The following SLC24A3 variants were observed in gnomAD, a reference collection of about 807,000 sequenced individuals.
SLC24A3 encodes sodium/potassium/calcium exchanger 3.
A neutral mutation model predicts 75.8 loss-of-function variants in SLC24A3; 28 were observed. The observed-to-expected ratio is 0.37, with a 90% CI of 0.27 to 0.51. The LOEUF is 0.51. Ranked by LOEUF, SLC24A3 falls within the 20% of genes least tolerant of loss-of-function variation. SLC24A3 has a pLI of 0.94. For missense variants in SLC24A3, 663 were observed against 847.8 expected (o/e 0.78, Z 2.71); for synonymous variants, 372 against 334.1 (o/e 1.11, Z -1.24).
At chr20:19,652,212 A>C (rs2032214206) in intron 6 of SLC24A3, among the ~76,000 whole-genome samples, 1 of 152,216 alleles carries the variant, frequency 6.6e-6, no homozygotes, top group Non-Finnish European at 1.5e-5. Context: ...GTCCTGATCG[A>C]AAAAACCCTT....
intron 2 of SLC24A3, among the ~76,000 whole-genome samples, chr20:19,328,203 G>T (rs1984915140): frequency 6.6e-6 from 1 of 152,002 alleles, no homozygotes; most frequent in Non-Finnish European, 1.5e-5. Context: ...GGTCAGTGTG[G>T]CTGGAGCAGA....
chr20:19,432,631 C>G (rs867784938), intron 2 of SLC24A3, among the ~76,000 whole-genome samples: 1 of 152,194 alleles, frequency 6.6e-6, no homozygotes, highest in Non-Finnish European at 1.5e-5. Flanking sequence ...CTTGGGGTCT[C>G]TCTTGTCACC....
chr20:19,502,274 G>T, intron 2 of SLC24A3, among the ~76,000 whole-genome samples: 1 of 152,242 alleles, frequency 6.6e-6, no homozygotes, highest in South Asian at 2.1e-4. Flanking sequence ...AAGAGGGAGA[G>T]CCCTATAATA....
intron 2 of SLC24A3, among the ~76,000 whole-genome samples, chr20:19,474,275 G>A (rs188578043): frequency 7.2e-4 from 110 of 152,300 alleles, no homozygotes; most frequent in Non-Finnish European, 1.4e-3. Context: ...TGTGTCCCCC[G>A]GGGCTCCCCC....
rs148207971 is a variant in SLC24A3 at position 19,629,450 on chromosome 20, G to GT, written c.613-24610dup. Among the ~76,000 whole-genome samples, 796 of 152,316 alleles carry GT rather than the reference G, an allele frequency of 5.2e-3. 12 individuals are homozygous for GT. The highest frequency in any genetic ancestry group is 0.019 in the African/African-American group (769 of 41,566). ...GTGGACCAATGTACACATCATGGGA[G>GT]TTCAGAAGGAGAAGAAAGAAAGGAC... On this transcript the variant is annotated intron_variant, in intron 6 of 16. Coordinates refer to ENST00000328041, the MANE Select transcript of SLC24A3 (RefSeq NM_020689.4).
intron 15 of SLC24A3, among the ~76,000 whole-genome samples, chr20:19,709,275 TA>T (rs1346640746): frequency 6.6e-6 from 1 of 152,122 alleles, no homozygotes; most frequent in East Asian, 1.9e-4. Context: ...GAGAAAGTCC[TA>T]AGGCAACGAG....
intron 6 of SLC24A3, among the ~76,000 whole-genome samples, chr20:19,649,161 A>G (rs909362096): frequency 6.6e-6 from 1 of 152,236 alleles, no homozygotes; most frequent in African/African-American, 2.4e-5. Context: ...CAACAGATGC[A>G]AAGAGCCTCC....
intron 3 of SLC24A3, among the ~76,000 whole-genome samples, chr20:19,559,578 A>G (rs923382644): frequency 1.3e-5 from 2 of 152,078 alleles, no homozygotes; most frequent in African/African-American, 4.8e-5. Flanking sequence ...CCAAGGTCAC[A>G]AAGATTTTCT....
chr20:19,386,717 A>C (rs1269660117), intron 2 of SLC24A3, among the ~76,000 whole-genome samples: 1 of 152,178 alleles, frequency 6.6e-6, no homozygotes, highest in East Asian at 1.9e-4. Context: ...TGTCATGTTA[A>C]TTGATTTGCA....
chr20:19,398,029 C>A (rs953082371), intron 2 of SLC24A3, among the ~76,000 whole-genome samples: 7 of 152,120 alleles, frequency 4.6e-5, no homozygotes, highest in African/African-American at 1.4e-4. Flanking sequence ...TTTTCTACTT[C>A]TTTTTTCTAT....
At chr20:19,254,042 C>T (rs1982738290) in intron 1 of SLC24A3, among the ~76,000 whole-genome samples, 1 of 152,188 alleles carries the variant, frequency 6.6e-6, no homozygotes, top group Non-Finnish European at 1.5e-5. Flanking sequence ...GCCCATGTTG[C>T]CAGGTCTTCT....
chr20:19,274,467 G>T (rs1983423546), intron 1 of SLC24A3, among the ~76,000 whole-genome samples: 1 of 151,970 alleles, frequency 6.6e-6, no homozygotes, highest in Non-Finnish European at 1.5e-5. Flanking sequence ...GTTAGGAGAG[G>T]TCTGTTTGGG....
chr20:19,583,288 C>T (rs1323039286), intron 4 of SLC24A3, among the ~76,000 whole-genome samples: 1 of 152,054 alleles, frequency 6.6e-6, no homozygotes, highest in Non-Finnish European at 1.5e-5. Flanking sequence ...TTAGAACAGC[C>T]CTTAGAGGGA....
intron 3 of SLC24A3, among the ~76,000 whole-genome samples, chr20:19,564,261 G>A (rs2122614222): frequency 6.6e-6 from 1 of 152,286 alleles, no homozygotes; most frequent in South Asian, 2.1e-4. Flanking sequence ...AGAGGTCACG[G>A]GCATTCTGAG....
chr20:19,318,973 C>G (rs1212300009), intron 2 of SLC24A3, among the ~76,000 whole-genome samples: 1 of 152,216 alleles, frequency 6.6e-6, no homozygotes, highest in African/African-American at 2.4e-5. Context: ...CAGCATTTTC[C>G]AGACCTCAGA....
Position 19,583,166 on chromosome 20 carries a change from C to T in SLC24A3, c.424-1805C>T, listed in dbSNP as rs79397233. ...ATCCACAGGGGGCTGGAGGAAGTGGCGGGGAATTGGCAAGTGCAGAAGTGC... is the reference window on the plus strand; with the variant it reads ...ATCCACAGGGGGCTGGAGGAAGTGGTGGGGAATTGGCAAGTGCAGAAGTGC... On this transcript the variant is annotated intron_variant, in intron 4 of 16. Transcript: ENST00000328041. Among the ~76,000 whole-genome samples, 1,218 of 151,906 alleles carry T rather than the reference C, an allele frequency of 8.0e-3. 14 individuals carry two copies. Among genetic ancestry groups the T allele is most frequent in the African/African-American group, 0.028 (1,140 of 41,412 alleles).
intron 2 of SLC24A3, among the ~76,000 whole-genome samples, chr20:19,306,819 C>T (rs1252709208): frequency 6.6e-6 from 1 of 152,110 alleles, no homozygotes; most frequent in Non-Finnish European, 1.5e-5. Context: ...TTTACCCATG[C>T]AATAAACCTG....
intron 7 of SLC24A3, 69 bp downstream of exon 7, chr20:19,654,205 TC>T: frequency 6.9e-7 from 1 of 1,447,400 alleles, no homozygotes; most frequent in Non-Finnish European, 9.7e-7. Context: ...GTGAGGCTCC[TC>T]CACATGGAGT....
chr20:19,230,487 G>T (rs1246165673), intron 1 of SLC24A3, among the ~76,000 whole-genome samples: 1 of 152,146 alleles, frequency 6.6e-6, no homozygotes, highest in Non-Finnish European at 1.5e-5. Flanking sequence ...GATCCCTCCT[G>T]TGGCTCTTTC....
Sources: allele counts gnomAD v4.1 joint callset (sites outside exome capture counted in the v4.1 genomes callset), GRCh38; gene constraint gnomAD v4.1.1; transcripts MANE v1.5; gene names NCBI Gene and HGNC (gene_info 2026-07-23, HGNC 2026-07-21).